The following NLRP4 variants were observed in gnomAD, a reference collection of about 807,000 sequenced individuals.
NLRP4 encodes NLR family pyrin domain containing 4.
NLRP4 carries 44 observed loss-of-function variants against 84.7 expected under a neutral mutation model. The observed-to-expected ratio is 0.52, with a 90% CI of 0.41 to 0.67. The LOEUF is 0.67. Ranked by LOEUF, NLRP4 falls within the 30% of genes least tolerant of loss-of-function variation. The pLI is 0.00. For synonymous variants in NLRP4, 544 were observed against 476.4 expected, an observed-to-expected ratio of 1.14 and a Z score of -1.85; for missense variants, 1,260 against 1,219.4, an observed-to-expected ratio of 1.03 and a Z score of -0.50.
Position 55,870,832 on chromosome 19 carries a change from C to T in NLRP4, c.2360C>T (p.Ala787Val), listed in dbSNP as rs776060405. Residue 787 changes from alanine to valine, a missense_variant, in exon 7 of 10, where the codon GCT (alanine) becomes GTT (valine). By Grantham distance (64) the Ala-to-Val change is moderately conservative. This residue lies in a region of NLRP4 where 544 missense variants were observed against 531.7 expected (regional missense o/e 1.02). Transcript: ENST00000301295. The stretch of plus-strand genomic sequence containing the variant: ...TCGTGTTTTTGTCCCCATAGGTTGG[C>T]TTTCTGCCACCTCAGCGAGCAGTGC... ...PDTVLVYLMLAFCHLSEQCCE... is the reference protein window; with the variant it reads ...PDTVLVYLMLVFCHLSEQCCE... 6.8e-6 allele frequency: 11 copies of T among 1,613,090 alleles called. No individual in the cohort carries two copies. In the South Asian group the frequency reaches 1.2e-4, roughly 18 times the overall value.
At chr19:55,845,200 C>T (rs1444497086) in intron 1 of NLRP4, among the ~76,000 whole-genome samples, 2 of 128,446 alleles carry the variant, frequency 1.6e-5, no homozygotes, top group Non-Finnish European at 3.2e-5. Context: ...TAACAGTCCC[C>T]AGTGTGTGAT....
chr19:55,870,711 C>G (rs900929525), intron 6 of NLRP4, 116 bp from the exon 7 acceptor site: 11 of 696,736 alleles, frequency 1.6e-5, no homozygotes, highest in Non-Finnish European at 2.5e-5. Context: ...AGAACTTCAT[C>G]TCAGCTGGGG....
intron 1 of NLRP4, among the ~76,000 whole-genome samples, chr19:55,846,613 C>T (rs1303914661): frequency 3.3e-5 from 5 of 152,186 alleles, no homozygotes; most frequent in East Asian, 1.9e-4. Context: ...TATCTAATAT[C>T]ATCACTAACT....
At position 55,867,765 on chromosome 19, in the gene NLRP4, CCAA is replaced by C. The variant is rs2123051754; in HGVS notation, c.2250_2252del (p.Asn750del). The C allele has an allele frequency of 3.1e-6, 5 of 1,614,110 alleles. No individual in the cohort carries two copies. The highest frequency in any genetic ancestry group is 2.2e-5 in the East Asian group (1 of 44,888). On this transcript the variant is annotated inframe_deletion, in exon 6 of 10. Transcript: ENST00000301295. ...TGTGAAGTCCTTGCTGGCCTTCTAA[CCAA>C]CAACAAGAAGCTGACGTATCTGAAT...
chr19:55,845,412 A>C lies in NLRP4; in HGVS notation c.-65-6604A>C, dbSNP rs543462552. ...TGGTGTATATGTGCCACATTTTCTT[A>C]ATCCAGTCTATCATTGTTGGACATT... On this transcript the variant is annotated intron_variant, in intron 1 of 9. Transcript: ENST00000301295. Among the ~76,000 whole-genome samples, 861 of 150,856 alleles carry C rather than the reference A, an allele frequency of 5.7e-3. 5 individuals carry two copies. Among genetic ancestry groups the C allele is most frequent in the Middle Eastern group, 0.017 (5 of 294 alleles).
intron 1 of NLRP4, among the ~76,000 whole-genome samples, chr19:55,848,472 C>T (rs967997221): frequency 3.3e-5 from 5 of 152,078 alleles, no homozygotes; most frequent in East Asian, 1.9e-4. Flanking sequence ...GGCACGATCT[C>T]GGCTCACTGC....
At chr19:55,844,345 A>G (rs1198694159) in intron 1 of NLRP4, among the ~76,000 whole-genome samples, 1 of 149,058 alleles carries the variant, frequency 6.7e-6, no homozygotes, top group Admixed American at 6.7e-5. Context: ...GTGCAGTGGC[A>G]TGATCTCAGC....
At chr19:55,864,466 C>G (rs1399017782) in intron 5 of NLRP4, among the ~76,000 whole-genome samples, 1 of 151,734 alleles carries the variant, frequency 6.6e-6, no homozygotes, top group Admixed American at 6.6e-5. Flanking sequence ...TCTTCTAGTC[C>G]TCTAGTGATG....
chr19:55,843,448 T>G (rs1245023232), intron 1 of NLRP4, among the ~76,000 whole-genome samples: 2 of 152,040 alleles, frequency 1.3e-5, no homozygotes, highest in African/African-American at 4.8e-5. Flanking sequence ...CCTAGCAGTT[T>G]GGGAGGCAGA....
chr19:55,869,420 C>G (rs1277417878), intron 6 of NLRP4, among the ~76,000 whole-genome samples: 1 of 151,948 alleles, frequency 6.6e-6, no homozygotes, highest in African/African-American at 2.4e-5. Context: ...CCACAAATGC[C>G]TGGATATGCC....
chr19:55,850,021 T>A (rs1983992264), intron 1 of NLRP4, among the ~76,000 whole-genome samples: 1 of 145,494 alleles, frequency 6.9e-6, no homozygotes, highest in South Asian at 2.2e-4. Flanking sequence ...GAGACTGCGG[T>A]GTGATTTCCG....
At chr19:55,881,136 C>T (rs1032378899) in intron 9 of NLRP4, among the ~76,000 whole-genome samples, 4 of 139,496 alleles carry the variant, frequency 2.9e-5, no homozygotes, top group African/African-American at 5.3e-5. Context: ...GTGAGAGCCA[C>T]GTGTGTGTGT....
intron 9 of NLRP4, among the ~76,000 whole-genome samples, chr19:55,879,239 GGACGCAGA>G: frequency 6.7e-6 from 1 of 148,988 alleles, no homozygotes; most frequent in African/African-American, 2.6e-5. Flanking sequence ...GGAGATCCAA[GGACGCAGA>G]GATCCAAGGA....
At chr19:55,850,807 T>TCCCGTGGCTGCGGTGTAATG (rs1568659373) in intron 1 of NLRP4, among the ~76,000 whole-genome samples, 1 of 32,646 alleles carries the variant, frequency 3.1e-5, no homozygotes, top group Non-Finnish European at 4.8e-5. Context: ...GCGGTGTAAT[T>TCCCGTGGCTGCGGTGTAATG]TCCGAGGCTG....
At chr19:55,861,646 T>A in intron 4 of NLRP4, 99 bp downstream of exon 4, 2 of 1,131,430 alleles carry the variant, frequency 1.8e-6, no homozygotes, top group Non-Finnish European at 2.6e-6. Flanking sequence ...AGCAAAGAAT[T>A]AACATCCAGA....
At chr19:55,876,719 C>G (rs546189522) in intron 7 of NLRP4, among the ~76,000 whole-genome samples, 2 of 152,238 alleles carry the variant, frequency 1.3e-5, no homozygotes, top group South Asian at 2.1e-4. Context: ...TAAATCATCT[C>G]TAAGTTACTG....
chr19:55,850,074 ACTGCGGTGTAATTTCCGTGG>A lies in NLRP4; in HGVS notation c.-65-1928_-65-1909del, dbSNP rs1443453419. 2.9e-3 allele frequency among the ~76,000 whole-genome samples: 210 copies of A among 71,736 alleles called. 21 individuals carry two copies. The highest frequency in any genetic ancestry group is 4.2e-3 in the Non-Finnish European group (173 of 41,202). 47.1% of individuals were successfully genotyped at this position (71,736 alleles called of 152,430 possible). A position where few individuals can be genotyped will look rare whatever the true frequency, so the allele number is the denominator to read the frequency against. On this transcript the variant is annotated intron_variant, in intron 1 of 9. Coordinates refer to ENST00000301295, the MANE Select transcript of NLRP4 (RefSeq NM_134444.5). Reference sequence around the variant, plus strand: ...CCGTAGCTGCGGTGGAATTTCCGAGACTGCGGTGTAATTTCCGTGGCTGCGGTGTAATTACCGTAGCTGCG... The same window carrying A: ...CCGTAGCTGCGGTGGAATTTCCGAGACTGCGGTGTAATTACCGTAGCTGCG...
rs199841394 is a variant in NLRP4, at chr19:55,878,869, G to A, written c.2772G>A (p.Gln924=). 2.0e-5 allele frequency: 32 copies of A among 1,613,856 alleles called. No homozygotes were observed. The Middle Eastern group carries it at 4.9e-4, about 25-fold the overall frequency. The change falls in exon 9 of 10, where the codon CAG becomes CAA. Residue 924 remains glutamine, a synonymous_variant. Coordinates refer to ENST00000301295, the MANE Select transcript of NLRP4 (RefSeq NM_134444.5). ...TTCTCACCTGCAGTAAGACCCTGCA[G>A]CAGCTCAACCTGACCTTGAACACCT... ...ASVLTCSKTL[Q]QLNLTLNTLD...
intron 6 of NLRP4, 49 bp downstream of exon 6, chr19:55,867,925 C>G: frequency 6.5e-7 from 1 of 1,535,798 alleles, no homozygotes; most frequent in Non-Finnish European, 9.0e-7. Context: ...GGCGGCAGTT[C>G]AAACCTGGGC....
Sources: allele counts gnomAD v4.1 joint callset (sites outside exome capture counted in the v4.1 genomes callset), GRCh38; gene constraint gnomAD v4.1.1; regional missense constraint gnomAD v4.1.1; transcripts MANE v1.5; gene names NCBI Gene and HGNC (gene_info 2026-07-23, HGNC 2026-07-21).